Variants in NALCN observed in about 807,000 individuals in gnomAD.
NALCN encodes sodium leak channel NALCN.
A neutral mutation model predicts 225.3 loss-of-function variants in NALCN; 111 were observed. The observed-to-expected ratio is 0.49, with a 90% CI of 0.42 to 0.58. The LOEUF (loss-of-function observed/expected upper bound fraction) is 0.58, where lower values mean the gene tolerates loss of function less well. Among genes scored for constraint, NALCN ranks in the 20% least tolerant of loss-of-function variants. The pLI is 0.00. For synonymous variants in NALCN, 764 were observed against 769.0 expected (o/e 0.99, Z 0.11); for missense variants, 1,378 against 2,202.4 (o/e 0.63, Z 7.49).
At chr13:101,356,235 C>T (rs2046055716) in intron 6 of NALCN, among the ~76,000 whole-genome samples, 1 of 151,672 alleles carries the variant, frequency 6.6e-6, no homozygotes, top group Admixed American at 6.6e-5. Flanking sequence ...AGAAGCCATT[C>T]AAAAAATTAA....
rs756000950 is a variant in NALCN, at chr13:101,104,401, A to T, written c.2783T>A (p.Phe928Tyr). ...LQIAEYVFVI[F>Y]MSIELNLKIM... is the part of the protein sequence containing the mutation. ...CTTCAGATTAAGCTCAATGCTCATGAATATCACAAACACATACTCAGCAAT... is the reference window on the plus strand; with the variant it reads ...CTTCAGATTAAGCTCAATGCTCATGTATATCACAAACACATACTCAGCAAT... Residue 928 changes from phenylalanine (F) to tyrosine (Y), a missense_variant, in exon 25 of 44, where the codon TTC (phenylalanine) becomes TAC (tyrosine). Transcript: ENST00000251127. The surrounding 1 kb of genome is among the most constrained non-coding windows in gnomAD (Gnocchi z 4.2). The T allele has an allele frequency of 6.2e-7, 1 of 1,613,716 alleles. No homozygotes were observed. The highest frequency in any genetic ancestry group is 1.7e-5 in the Admixed American group (1 of 59,956).
At chr13:101,136,977 T>A (rs2036832354) in intron 17 of NALCN, among the ~76,000 whole-genome samples, 1 of 152,226 alleles carries the variant, frequency 6.6e-6, no homozygotes, top group African/African-American at 2.4e-5. Context: ...GTTTCCTGAC[T>A]TTTTAATGAT....
intron 17 of NALCN, among the ~76,000 whole-genome samples, chr13:101,141,345 C>A (rs2037068061): frequency 6.6e-6 from 1 of 151,986 alleles, no homozygotes; most frequent in Non-Finnish European, 1.5e-5. Flanking sequence ...AACAAGCAAA[C>A]CAAGTCTACC....
At chr13:101,146,036 T>C (rs749729852) in intron 15 of NALCN, among the ~76,000 whole-genome samples, 12 of 152,158 alleles carry the variant, frequency 7.9e-5, no homozygotes, top group Non-Finnish European at 1.2e-4. Context: ...GAAATACAAA[T>C]TGGCTAAGGA....
chr13:101,065,976 C>T lies in NALCN; in HGVS notation c.4447-415G>A, dbSNP rs146362386. On this transcript the variant is annotated intron_variant, in intron 39 of 43. Transcript: ENST00000251127. ...ATGGACAAGACACACACGTGTAATC[C>T]TCCTCTTCACTCAATCGGGATGCTA... is the stretch of plus-strand genomic sequence containing the variant. Among the ~76,000 whole-genome samples, 658 of 152,326 alleles carry T rather than the reference C, an allele frequency of 4.3e-3. 6 individuals carry two copies. The highest frequency in any genetic ancestry group is 0.015 in the African/African-American group (621 of 41,568).
intron 10 of NALCN, among the ~76,000 whole-genome samples, chr13:101,270,465 CA>C (rs1393339724): frequency 1.3e-5 from 2 of 152,142 alleles, no homozygotes; most frequent in Non-Finnish European, 2.9e-5. Context: ...ATTATGAATT[CA>C]AAATTGAAGC....
intron 2 of NALCN, 28 bp from the exon 3 acceptor site, chr13:101,395,393 C>T (rs772706834): frequency 1.4e-5 from 23 of 1,602,786 alleles, no homozygotes; most frequent in Admixed American, 1.2e-4. Flanking sequence ...AGTTACTACA[C>T]GGCACCATAA....
Position 101,059,824 on chromosome 13 carries a change from T to G in NALCN, c.4899A>C (p.Gln1633His). Residue 1633 changes from glutamine (Q) to histidine (H), a missense_variant, in exon 42 of 44, where the codon CAA (glutamine) becomes CAC (histidine). This residue lies in a region of NALCN where 145 missense variants were observed against 169.6 expected (regional missense o/e 0.85). Coordinates refer to ENST00000251127, the MANE Select transcript of NALCN (RefSeq NM_052867.4). ...GGACGCCTCGTGCCCATACCTCAGGTTGCATGCTGTTGTCCTGACTGTTGG... is the reference window on the plus strand; with the variant it reads ...GGACGCCTCGTGCCCATACCTCAGGGTGCATGCTGTTGTCCTGACTGTTGG... The part of the protein sequence containing the change: ...TNANSQDNSM[Q>H]PETSSQQQLL... The G allele has an allele frequency of 6.2e-7, 1 of 1,614,020 alleles. No individual in the cohort carries two copies. Among genetic ancestry groups the G allele is most frequent in the Non-Finnish European group, 8.5e-7 (1 of 1,179,986 alleles).
intron 6 of NALCN, 95 bp from the exon 7 acceptor site, chr13:101,345,515 T>C (rs2139299200): frequency 1.4e-6 from 2 of 1,426,116 alleles, no homozygotes; most frequent in East Asian, 4.8e-5. Context: ...TATCTATGTA[T>C]CTGGCCAAGT....
At chr13:101,114,464 T>A (rs1311633482) in intron 18 of NALCN, among the ~76,000 whole-genome samples, 1 of 152,114 alleles carries the variant, frequency 6.6e-6, no homozygotes, top group East Asian at 1.9e-4. Context: ...GCTGACTTGC[T>A]CTTCCCATCT....
intron 28 of NALCN, among the ~76,000 whole-genome samples, chr13:101,092,820 G>T (rs1313531474): frequency 6.6e-6 from 1 of 152,158 alleles, no homozygotes; most frequent in African/African-American, 2.4e-5. Flanking sequence ...ACATATCACA[G>T]TGTAGCTTAA....
chr13:101,242,611 G>T (rs1197435076), intron 11 of NALCN, among the ~76,000 whole-genome samples: 1 of 105,864 alleles, frequency 9.4e-6, no homozygotes, highest in Non-Finnish European at 2.1e-5. Context: ...TTTTTTCAAA[G>T]ATCCCTATTT....
chr13:101,130,317 T>G (rs141208773), intron 17 of NALCN, among the ~76,000 whole-genome samples: 339 of 152,288 alleles, frequency 2.2e-3, no homozygotes, highest in African/African-American at 8.0e-3. Context: ...GGTTTGCATA[T>G]CTTCTTCCCG....
At chr13:101,143,981 T>G (rs1817558708) in intron 16 of NALCN, among the ~76,000 whole-genome samples, 1 of 152,218 alleles carries the variant, frequency 6.6e-6, no homozygotes, top group Non-Finnish European at 1.5e-5. Flanking sequence ...ATTAATTTTG[T>G]TTTTTAAAAT....
At chr13:101,263,674 A>G (rs2042504954) in intron 10 of NALCN, among the ~76,000 whole-genome samples, 1 of 152,204 alleles carries the variant, frequency 6.6e-6, no homozygotes, top group African/African-American at 2.4e-5. Context: ...GAATGTCTAC[A>G]TGTCCCTGTT....
At chr13:101,412,241 G>A (rs895700713) in intron 1 of NALCN, among the ~76,000 whole-genome samples, 2 of 152,204 alleles carry the variant, frequency 1.3e-5, no homozygotes, top group Non-Finnish European at 2.9e-5. Flanking sequence ...CATGCACTGT[G>A]ATCCCCTCTG....
rs1029673461 is a variant in NALCN, at chr13:101,181,941, G to A, written c.1765-5567C>T. 5.3e-5 allele frequency among the ~76,000 whole-genome samples: 8 copies of A among 152,086 alleles called. 1 individual carries two copies. The highest frequency in any genetic ancestry group is 1.9e-4 in the African/African-American group (8 of 41,498). ...GAGGTCAGGAGATCGAGACCATCCT[G>A]GCTAACATGGTGAAACCCCGTTTCT... On this transcript the variant is annotated intron_variant, in intron 14 of 43. Coordinates refer to ENST00000251127, the MANE Select transcript of NALCN (RefSeq NM_052867.4).
At chr13:101,109,160 T>C (rs1302412373) in intron 20 of NALCN, among the ~76,000 whole-genome samples, 8 of 152,242 alleles carry the variant, frequency 5.3e-5, no homozygotes, top group African/African-American at 1.9e-4. Context: ...GGTTGCCTCT[T>C]TGACTTTTCA....
At chr13:101,371,240 C>T (rs529795381) in intron 6 of NALCN, among the ~76,000 whole-genome samples, 2 of 152,240 alleles carry the variant, frequency 1.3e-5, no homozygotes, top group East Asian at 3.9e-4. Context: ...TATGGACATA[C>T]ATTTTTATTT....
Sources: allele counts gnomAD v4.1 joint callset (sites outside exome capture counted in the v4.1 genomes callset), GRCh38; gene constraint gnomAD v4.1.1; regional missense constraint gnomAD v4.1.1; non-coding constraint Gnocchi (gnomAD v3.1); transcripts MANE v1.5; gene names NCBI Gene and HGNC (gene_info 2026-07-23, HGNC 2026-07-21).